The following NELL1 variants were observed in gnomAD, a reference collection of about 807,000 sequenced individuals.
NELL1 encodes neural EGFL like 1.
In NELL1, 76 loss-of-function variants were observed where a neutral mutation model predicts 107.4. The observed-to-expected ratio is 0.71, with a 90% CI of 0.59 to 0.86. The LOEUF is 0.86. NELL1 is among the 40% of genes least tolerant of loss of function. The pLI is 0.00. For synonymous variants in NELL1, 353 were observed against 341.2 expected, an observed-to-expected ratio of 1.03 and a Z score of -0.38; for missense variants, 1,024 against 1,005.5, an observed-to-expected ratio of 1.02 and a Z score of -0.25.
chr11:20,679,772 T>A (rs1304288376), intron 2 of NELL1, among the ~76,000 whole-genome samples: 1 of 152,204 alleles, frequency 6.6e-6, no homozygotes, highest in Non-Finnish European at 1.5e-5. Flanking sequence ...GGAGTCCTGC[T>A]GACCTAGATA....
chr11:20,886,359 G>T (rs1469769743), intron 5 of NELL1, among the ~76,000 whole-genome samples: 1 of 152,040 alleles, frequency 6.6e-6, no homozygotes, highest in Non-Finnish European at 1.5e-5. Context: ...AGACAGTCTT[G>T]TTCTTTGAAA....
At chr11:20,850,071 G>A (rs981134815) in intron 4 of NELL1, among the ~76,000 whole-genome samples, 2 of 152,134 alleles carry the variant, frequency 1.3e-5, no homozygotes, top group Non-Finnish European at 2.9e-5. Flanking sequence ...ATGAAGTCGT[G>A]GAAGACCAGT....
intron 15 of NELL1, among the ~76,000 whole-genome samples, chr11:21,481,449 A>T (rs1047553873): frequency 6.6e-6 from 1 of 152,214 alleles, no homozygotes; most frequent in Non-Finnish European, 1.5e-5. Context: ...GTCTTCAAGG[A>T]TGATTGATGT....
chr11:21,547,882 C>T (rs1243884808), intron 16 of NELL1, among the ~76,000 whole-genome samples: 1 of 151,816 alleles, frequency 6.6e-6, no homozygotes, highest in Non-Finnish European at 1.5e-5. Context: ...TAGTGAGTAG[C>T]AATTTCTCAG....
intron 12 of NELL1, among the ~76,000 whole-genome samples, chr11:21,028,958 C>T (rs183841354): frequency 1.2e-4 from 19 of 152,278 alleles, no homozygotes; most frequent in Admixed American, 5.2e-4. Context: ...GAAACAGATT[C>T]CCTGCCTAAG....
chr11:21,174,557 C>G (rs1193358630), intron 13 of NELL1, among the ~76,000 whole-genome samples: 1 of 151,590 alleles, frequency 6.6e-6, no homozygotes, highest in African/African-American at 2.4e-5. Context: ...AAGTGAGGGA[C>G]AGACAATGAG....
At chr11:21,052,042 C>G (rs1853505783) in intron 12 of NELL1, among the ~76,000 whole-genome samples, 1 of 151,952 alleles carries the variant, frequency 6.6e-6, no homozygotes. Context: ...TAGGGTGTTC[C>G]TCACTGAGAA....
chr11:21,341,406 T>A (rs1850561628), intron 14 of NELL1, among the ~76,000 whole-genome samples: 2 of 152,230 alleles, frequency 1.3e-5, no homozygotes, highest in Admixed American at 1.3e-4. Context: ...ACATATTTTT[T>A]AATTCTTACA....
chr11:21,164,191 T>C (rs67524691), intron 13 of NELL1, among the ~76,000 whole-genome samples: 38,751 of 152,144 alleles, frequency 0.25, 5,473 homozygotes, highest in East Asian at 0.49. Context: ...GGCAGACTAT[T>C]ACAGTAGCTG....
chr11:21,078,683 G>A (rs1039169859), intron 12 of NELL1, among the ~76,000 whole-genome samples: 2 of 152,038 alleles, frequency 1.3e-5, no homozygotes, highest in Non-Finnish European at 2.9e-5. Flanking sequence ...CATACTGCAT[G>A]GGTATGTGTG....
intron 15 of NELL1, among the ~76,000 whole-genome samples, chr11:21,526,745 A>G (rs1855864738): frequency 6.6e-6 from 1 of 152,314 alleles, no homozygotes; most frequent in East Asian, 1.9e-4. Flanking sequence ...CCTGAGCTAT[A>G]CACTGGCCCC....
At chr11:21,280,528 G>C (rs1268917705) in intron 14 of NELL1, among the ~76,000 whole-genome samples, 1 of 152,150 alleles carries the variant, frequency 6.6e-6, no homozygotes, top group African/African-American at 2.4e-5. Context: ...ATTTGTGGGA[G>C]GGGGAGAGCA....
At chr11:21,015,817 C>T (rs965657869) in intron 12 of NELL1, among the ~76,000 whole-genome samples, 16 of 152,094 alleles carry the variant, frequency 1.1e-4, no homozygotes, top group African/African-American at 2.2e-4. Context: ...AAGCCAGGCA[C>T]GTCCTGTTGT....
chr11:21,445,811 A>C (rs530837217), intron 15 of NELL1, among the ~76,000 whole-genome samples: 4 of 152,308 alleles, frequency 2.6e-5, no homozygotes, highest in African/African-American at 9.6e-5. Context: ...ATATTTTTGC[A>C]GGATATACTA....
intron 13 of NELL1, among the ~76,000 whole-genome samples, chr11:21,139,262 A>C (rs550990453): frequency 2.0e-5 from 3 of 152,314 alleles, no homozygotes; most frequent in African/African-American, 7.2e-5. Context: ...TGACTGGTGA[A>C]GCCTAAAATA....
At chr11:21,387,987 G>A (rs1193497294) in intron 15 of NELL1, among the ~76,000 whole-genome samples, 1 of 151,714 alleles carries the variant, frequency 6.6e-6, no homozygotes, top group South Asian at 2.1e-4. Flanking sequence ...GAAAATTGAG[G>A]CTAAGAGGTT....
At chr11:20,989,726 C>T (rs1232080273) in intron 12 of NELL1, among the ~76,000 whole-genome samples, 1 of 152,124 alleles carries the variant, frequency 6.6e-6, no homozygotes, top group African/African-American at 2.4e-5. Context: ...GGTGTGGTGG[C>T]TCACACCTGT....
intron 15 of NELL1, among the ~76,000 whole-genome samples, chr11:21,469,722 A>T (rs1854125453): frequency 6.6e-6 from 1 of 152,084 alleles, no homozygotes; most frequent in Admixed American, 6.6e-5. Flanking sequence ...AGGTATAGGC[A>T]AATGCAACAA....
chr11:20,914,813 A>T (rs2134153551), intron 5 of NELL1, among the ~76,000 whole-genome samples: 1 of 152,150 alleles, frequency 6.6e-6, no homozygotes, highest in African/African-American at 2.4e-5. Flanking sequence ...CATAGGTCAT[A>T]TGACCAGGTA....
Sources: gnomAD v4.1 joint callset for allele counts (sites outside exome capture counted in the v4.1 genomes callset) on GRCh38, gnomAD v4.1.1 for gene constraint, MANE v1.5 for transcripts, NCBI Gene and HGNC (gene_info 2026-07-23, HGNC 2026-07-21) for gene names.